ANKRD13C: variants seen among roughly 807,000 people sequenced by gnomAD.
ANKRD13C encodes the protein ankyrin repeat domain 13C.
Under a neutral mutation model 65.5 loss-of-function variants are expected in ANKRD13C, and 16 were observed. The observed-to-expected ratio is 0.24, with a 90% CI of 0.17 to 0.37. The LOEUF is 0.37. Among genes scored for constraint, ANKRD13C ranks in the 10% least tolerant of loss-of-function variants. The pLI, the probability that ANKRD13C is intolerant of heterozygous loss-of-function variation, is 1.00. For missense variants in ANKRD13C, 503 were observed against 655.9 expected, an observed-to-expected ratio of 0.77 and a Z score of 2.55; for synonymous variants, 235 against 238.7, an observed-to-expected ratio of 0.98 and a Z score of 0.14.
At chr1:70,264,937 G>A (rs113132845) in intron 12 of ANKRD13C, among the ~76,000 whole-genome samples, 4 of 152,232 alleles carry the variant, frequency 2.6e-5, no homozygotes, top group East Asian at 1.9e-4. Flanking sequence ...CCTGGAGGAC[G>A]AAAATTCCAA....
chr1:70,274,160 C>T (rs1292685923), intron 11 of ANKRD13C, among the ~76,000 whole-genome samples: 7 of 151,744 alleles, frequency 4.6e-5, no homozygotes, highest in East Asian at 1.9e-4. Context: ...CATGTATTCA[C>T]GTATTACTTT....
intron 3 of ANKRD13C, 75 bp downstream of exon 3, chr1:70,324,774 CAATG>C: frequency 9.6e-7 from 1 of 1,046,478 alleles, no homozygotes; most frequent in East Asian, 2.7e-5. Flanking sequence ...TGGCAAGTTA[CAATG>C]AATGAAGAAT....
chr1:70,327,852 G>A (rs1378080621), intron 2 of ANKRD13C, among the ~76,000 whole-genome samples: 1 of 152,082 alleles, frequency 6.6e-6, no homozygotes, highest in Non-Finnish European at 1.5e-5. Context: ...ATCATCTGAG[G>A]TCAGGAGTTT....
At chr1:70,279,500 C>CTTTTTTTTTTTTTTTTT (rs757385338) in intron 9 of ANKRD13C, among the ~76,000 whole-genome samples, 2 of 101,282 alleles carry the variant, frequency 2.0e-5, no homozygotes, top group Admixed American at 1.1e-4. Context: ...TTTTGAGCTA[C>CTTTTTTTTTTTTTTTTT]TTTTTTTTTT....
At chr1:70,285,442 G>A (rs1241559702) in intron 9 of ANKRD13C, among the ~76,000 whole-genome samples, 4 of 151,936 alleles carry the variant, frequency 2.6e-5, no homozygotes, top group Admixed American at 2.0e-4. Context: ...TGATCCGGTC[G>A]CCTCAGCCTC....
chr1:70,338,806 T>TA (rs1373993961), intron 1 of ANKRD13C, among the ~76,000 whole-genome samples: 2 of 152,126 alleles, frequency 1.3e-5, no homozygotes, highest in African/African-American at 2.4e-5. Flanking sequence ...AATACAAGGT[T>TA]AAAAAAATCA....
chr1:70,342,866 T>G (rs1421299176), intron 1 of ANKRD13C, among the ~76,000 whole-genome samples: 1 of 152,126 alleles, frequency 6.6e-6, no homozygotes, highest in Non-Finnish European at 1.5e-5. Context: ...TTTTTAAGAA[T>G]TCTAAAGCAT....
At position 70,304,874 on chromosome 1, in the gene ANKRD13C, T is replaced by G. The variant is rs72929274; in HGVS notation, c.776+1350A>C. On this transcript the variant is annotated intron_variant, in intron 6 of 12. Coordinates refer to ENST00000370944, the MANE Select transcript of ANKRD13C (RefSeq NM_030816.5). The stretch of plus-strand genomic sequence containing the variant: ...AAATCCTTTTCTACTTAGTTTTTCT[T>G]CTATTTTTCTGTATTTTCCAAGTTT... Among the ~76,000 whole-genome samples, 812 of 152,308 alleles carry G rather than the reference T, an allele frequency of 5.3e-3. 9 individuals carry two copies. Among genetic ancestry groups the G allele is most frequent in the African/African-American group, 0.019 (782 of 41,556 alleles).
intron 9 of ANKRD13C, among the ~76,000 whole-genome samples, chr1:70,289,350 G>A (rs569519897): frequency 2.2e-4 from 33 of 152,208 alleles, no homozygotes; most frequent in South Asian, 4.1e-4. Context: ...GTTGTCTATC[G>A]TAAGTTTAAA....
At chr1:70,295,068 G>T (rs1397682807) in intron 8 of ANKRD13C, among the ~76,000 whole-genome samples, 1 of 151,360 alleles carries the variant, frequency 6.6e-6, no homozygotes, top group African/African-American at 2.4e-5. Flanking sequence ...CCCTAATAAT[G>T]CTATTTTTCT....
In ANKRD13C at chr1:70,259,576, A is replaced by G. The variant is rs1338029564; in HGVS notation, c.*3141T>C. 6.6e-6 allele frequency among the ~76,000 whole-genome samples: 1 copy of G among 152,222 alleles called. No individual in the cohort carries two copies. The highest frequency in any genetic ancestry group is 1.5e-5 in the Non-Finnish European group (1 of 68,044). ...TTTTAGGTGGCAACCAGAGTTAGTT[A>G]CTATTGCCCCAGATTTCTGACATAA... On this transcript the variant is annotated 3_prime_UTR_variant, in exon 13 of 13. Transcript: ENST00000370944.
At chr1:70,285,552 T>C (rs879870380) in intron 9 of ANKRD13C, among the ~76,000 whole-genome samples, 4 of 151,990 alleles carry the variant, frequency 2.6e-5, no homozygotes, top group Non-Finnish European at 4.4e-5. Flanking sequence ...AATGGAAATG[T>C]CTCTTGAATT....
intron 3 of ANKRD13C, 146 bp downstream of exon 3, chr1:70,324,707 C>A: frequency 2.0e-6 from 1 of 498,416 alleles, no homozygotes. Context: ...TGTTCAAGTT[C>A]CTAAGTCATG....
rs570146111 is a variant in ANKRD13C, at chr1:70,311,161, T to C, written c.709+2584A>G. Reference sequence around the variant, plus strand: ...GTAGCTGTTAAAATTAGTGAAGTATTTCCACCTGAAATATGGTAAGATGCC... The same window carrying C: ...GTAGCTGTTAAAATTAGTGAAGTATCTCCACCTGAAATATGGTAAGATGCC... On this transcript the variant is annotated intron_variant, in intron 5 of 12. Transcript: ENST00000370944. Among the ~76,000 whole-genome samples, 6 of 152,294 alleles carry C rather than the reference T, an allele frequency of 3.9e-5. No individual in the cohort carries two copies. In the South Asian group the frequency reaches 1.0e-3, roughly 26 times the overall value.
chr1:70,329,172 T>C (rs555667277), intron 2 of ANKRD13C, among the ~76,000 whole-genome samples: 1 of 152,306 alleles, frequency 6.6e-6, no homozygotes, highest in Admixed American at 6.5e-5. Flanking sequence ...TGCTTTTATG[T>C]ATCTATGTAT....
intron 1 of ANKRD13C, among the ~76,000 whole-genome samples, chr1:70,352,363 A>G (rs35150675): frequency 1.3e-5 from 2 of 148,986 alleles, no homozygotes; most frequent in South Asian, 2.2e-4. Context: ...AAAAAAAAAA[A>G]GTTAATTTCA....
chr1:70,324,938 C>T lies in ANKRD13C; in HGVS notation c.492G>A (p.Leu164=). ...LGNKECAHLL[L]AHNAPVKVKN... ...TCACCTTGACTGGAGCATTGTGAGCCAAAAGTAAATGGGCACATTCTGCAA... is the reference window on the plus strand; with the variant it reads ...TCACCTTGACTGGAGCATTGTGAGCTAAAAGTAAATGGGCACATTCTGCAA... The change falls in exon 3 of 13, where the codon TTG becomes TTA. Residue 164 remains leucine, a synonymous_variant. Transcript: ENST00000370944. The T allele has an allele frequency of 6.2e-7, 1 of 1,610,156 alleles. No homozygotes were observed. The highest frequency in any genetic ancestry group is 8.5e-7 in the Non-Finnish European group (1 of 1,177,892).
intron 9 of ANKRD13C, among the ~76,000 whole-genome samples, chr1:70,277,785 G>A (rs959014635): frequency 2.0e-5 from 3 of 152,018 alleles, no homozygotes; most frequent in African/African-American, 7.2e-5. Context: ...GGTAAAAATC[G>A]CAAAGGTCAG....
At chr1:70,313,527 C>CA (rs375377368) in intron 5 of ANKRD13C, among the ~76,000 whole-genome samples, 6,205 of 68,756 alleles carry the variant, frequency 0.09, 214 homozygotes, top group Admixed American at 0.18. Flanking sequence ...GAACTTGTCT[C>CA]AAAAAAAAAA....
Sources: gnomAD v4.1 joint callset for allele counts (sites outside exome capture counted in the v4.1 genomes callset) on GRCh38, gnomAD v4.1.1 for gene constraint, MANE v1.5 for transcripts, NCBI Gene and HGNC (gene_info 2026-07-23, HGNC 2026-07-21) for gene names.